LYRM4: variants seen among roughly 807,000 people sequenced by gnomAD.
The protein encoded by LYRM4 is LYR motif containing 4, also known as LYR motif-containing protein 4.
In LYRM4, 9 loss-of-function variants were observed where a neutral mutation model predicts 11.7. The ratio of observed to expected loss-of-function variants is 0.77; its 90% CI spans 0.46 to 1.34. The LOEUF (loss-of-function observed/expected upper bound fraction) is 1.34, where lower values mean the gene tolerates loss of function less well. Ranked by LOEUF, LYRM4 falls within the 40% of genes most tolerant of loss-of-function variation. LYRM4 has a pLI of 0.00. For synonymous variants in LYRM4, 42 were observed against 40.4 expected, an observed-to-expected ratio of 1.04 and a Z score of -0.15; for missense variants, 133 against 112.5, an observed-to-expected ratio of 1.18 and a Z score of -0.82.
At chr6:5,125,185 C>G (rs987757100) in intron 2 of LYRM4, among the ~76,000 whole-genome samples, 1 of 152,204 alleles carries the variant, frequency 6.6e-6, no homozygotes, top group African/African-American at 2.4e-5. Context: ...AGTCATCCCT[C>G]TAGAGACACA....
the LYRM4 span, chr6:5,085,971 G>A: frequency 6.5e-7 from 1 of 1,527,266 alleles, no homozygotes; most frequent in African/African-American, 1.4e-5. Flanking sequence ...CCGTGCTCTC[G>A]CGCCTCCGAA....
chr6:5,212,703 T>C (rs1762047853), intron 2 of LYRM4, among the ~76,000 whole-genome samples: 1 of 152,240 alleles, frequency 6.6e-6, no homozygotes, highest in South Asian at 2.1e-4. Flanking sequence ...GGTAGAAGAA[T>C]GTCTCTGCTA....
Position 5,200,250 on chromosome 6 carries a change from A to G in LYRM4, c.207+16368T>C, listed in dbSNP as rs200836389. Among the ~76,000 whole-genome samples the G allele has an allele frequency of 6.6e-5, 10 of 152,308 alleles. No homozygotes were observed. In the East Asian group the frequency reaches 1.7e-3, roughly 27 times the overall value. On this transcript the variant is annotated intron_variant, in intron 2 of 2. Transcript: ENST00000330636. ...GTATGGGTAGCAAACCCTTAGCTGC[A>G]CTAGAAAAATGCCTCCCAAAGAATG...
intron 1 of LYRM4, among the ~76,000 whole-genome samples, chr6:5,227,115 T>C (rs183119957): frequency 1.3e-5 from 2 of 152,186 alleles, no homozygotes; most frequent in Non-Finnish European, 2.9e-5. Context: ...GAGGCAACAA[T>C]GGGACAAGGT....
intron 2 of LYRM4, among the ~76,000 whole-genome samples, chr6:5,196,170 A>C (rs1186803171): frequency 6.6e-6 from 1 of 152,158 alleles, no homozygotes. Flanking sequence ...GCCTCTGCCC[A>C]GGGCAGTGGA....
chr6:5,251,739 T>A (rs1406098880), intron 1 of LYRM4, among the ~76,000 whole-genome samples: 2 of 152,248 alleles, frequency 1.3e-5, no homozygotes, highest in East Asian at 3.9e-4. Context: ...CCAAACTGTA[T>A]CATTGCATGC....
chr6:5,039,767 A>C, the LYRM4 span, among the ~76,000 whole-genome samples: 4 of 152,342 alleles, frequency 2.6e-5, no homozygotes, highest in East Asian at 5.8e-4. Flanking sequence ...TCTAAAATTT[A>C]AATGAGGTGA....
intron 2 of LYRM4, among the ~76,000 whole-genome samples, chr6:5,124,181 G>A (rs1763595042): frequency 6.6e-6 from 1 of 152,112 alleles, no homozygotes; most frequent in South Asian, 2.1e-4. Context: ...CCAGTTTACT[G>A]AACATACCTT....
intron 2 of LYRM4, among the ~76,000 whole-genome samples, chr6:5,193,965 T>C (rs1275192586): frequency 6.6e-6 from 1 of 150,508 alleles, no homozygotes; most frequent in Non-Finnish European, 1.5e-5. Context: ...AAAAGAAATA[T>C]ATGATTGTTA....
In LYRM4 at chr6:5,109,160, T is replaced by C. The variant is rs1762764275; in HGVS notation, c.*263A>G. On this transcript the variant is annotated 3_prime_UTR_variant, in exon 3 of 3. Transcript: ENST00000330636. ...ATGGTCATGAGCTACAAGGTAGGAA[T>C]GGGGTGCAGGGGAGACGTGGTAACA... 1 of 1,309,746 alleles carries C rather than the reference T, an allele frequency of 7.6e-7. No homozygotes were observed. 81.1% of individuals were successfully genotyped at this position (1,309,746 alleles called of 1,614,324 possible).
rs182525466 is a variant in LYRM4, at chr6:5,110,456, G to A, written c.208-965C>T. The stretch of plus-strand genomic sequence containing the variant: ...CTCTGTCACCAAGGACCGCCGCGCC[G>A]TCCATCTGAGGTGTCCTGTTTTCCA... On this transcript the variant is annotated intron_variant, in intron 2 of 2. Coordinates refer to ENST00000330636, the MANE Select transcript of LYRM4 (RefSeq NM_020408.6). Among the ~76,000 whole-genome samples, 168 of 152,178 alleles carry A rather than the reference G, an allele frequency of 1.1e-3. 1 individual carries two copies. The highest frequency in any genetic ancestry group is 1.9e-3 in the Non-Finnish European group (129 of 68,026).
At chr6:5,092,609 C>G in the LYRM4 span, among the ~76,000 whole-genome samples, 1 of 151,696 alleles carries the variant, frequency 6.6e-6, no homozygotes, top group Non-Finnish European at 1.5e-5. Flanking sequence ...TCCCAGCTAC[C>G]AGGGAGGCTG....
At chr6:5,068,768 G>A in the LYRM4 span, among the ~76,000 whole-genome samples, 1 of 151,664 alleles carries the variant, frequency 6.6e-6, no homozygotes, top group Non-Finnish European at 1.5e-5. The surrounding 1 kb of genome is among the most constrained non-coding windows in gnomAD (Gnocchi z 4.0). Context: ...ATGTACCCTA[G>A]AACTTAAAGT....
At chr6:5,216,172 C>T (rs1232210299) in intron 2 of LYRM4, among the ~76,000 whole-genome samples, 3 of 152,154 alleles carry the variant, frequency 2.0e-5, no homozygotes, top group African/African-American at 7.2e-5. Context: ...ATGCACCTCC[C>T]ATGTGGCAAC....
At chr6:5,086,560 T>G in the LYRM4 span, 1 of 1,518,510 alleles carries the variant, frequency 6.6e-7, no homozygotes, top group Non-Finnish European at 8.8e-7. Flanking sequence ...GGACGCGCTC[T>G]GAGCCTGGAG....
At chr6:5,118,095 T>TATATATTTTTG (rs34304149) in intron 2 of LYRM4, among the ~76,000 whole-genome samples, 3 of 96,884 alleles carry the variant, frequency 3.1e-5, no homozygotes, top group African/African-American at 1.2e-4. Flanking sequence ...TATATATATA[T>TATATATTTTTG]TTTTGTTTTG....
At chr6:5,076,041 C>T in the LYRM4 span, among the ~76,000 whole-genome samples, 1 of 151,760 alleles carries the variant, frequency 6.6e-6, no homozygotes, top group Non-Finnish European at 1.5e-5. Context: ...TTCTCCTGGG[C>T]TCAGGCAATC....
chr6:5,069,889 C>T, the LYRM4 span, among the ~76,000 whole-genome samples: 2 of 152,194 alleles, frequency 1.3e-5, no homozygotes, highest in African/African-American at 4.8e-5. Flanking sequence ...TTTACTGCTG[C>T]GTCCCTAGCA....
intron 2 of LYRM4, among the ~76,000 whole-genome samples, chr6:5,153,103 AT>A (rs947244848): frequency 6.6e-6 from 1 of 151,646 alleles, no homozygotes; most frequent in Non-Finnish European, 1.5e-5. Context: ...TCTTATTATT[AT>A]TTTTTTTGTG....
Sources: allele counts gnomAD v4.1 joint callset (sites outside exome capture counted in the v4.1 genomes callset), GRCh38; gene constraint gnomAD v4.1.1; non-coding constraint Gnocchi (gnomAD v3.1); transcripts MANE v1.5; gene names NCBI Gene and HGNC (gene_info 2026-07-23, HGNC 2026-07-21).